MAP4K5: variants seen among roughly 807,000 people sequenced by gnomAD.
MAP4K5 encodes MAPK/ERK kinase kinase kinase 5.
MAP4K5 carries 82 observed loss-of-function variants against 135.6 expected under a neutral mutation model. The observed-to-expected ratio is 0.60, with a 90% CI of 0.51 to 0.73. The LOEUF is 0.73. Ranked by LOEUF, MAP4K5 falls within the 30% of genes least tolerant of loss-of-function variation. The pLI is 0.00. For synonymous variants in MAP4K5, 347 were observed against 335.0 expected (o/e 1.04, Z -0.39); for missense variants, 907 against 1,010.9 (o/e 0.90, Z 1.39).
chr14:50,427,675 A>AT (rs2035875855), intron 30 of MAP4K5, among the ~76,000 whole-genome samples: 1 of 152,078 alleles, frequency 6.6e-6, no homozygotes, highest in Admixed American at 6.6e-5. Context: ...TCCATTCATC[A>AT]TTTTTTTCAC....
chr14:50,490,066 T>C (rs2037447929), intron 3 of MAP4K5, among the ~76,000 whole-genome samples: 1 of 151,226 alleles, frequency 6.6e-6, no homozygotes, highest in African/African-American at 2.4e-5. Context: ...TCCTCAAGTA[T>C]GCATGGGTGT....
Position 50,539,673 on chromosome 14 carries a change from T to G in MAP4K5, c.-94+2826A>C, listed in dbSNP as rs533035489. ...TGAGTTAGAAGAAAGAGTTTCAGTA[T>G]AGCCCTAATGGGGAAGTACACAGAA... is the stretch of plus-strand genomic sequence containing the variant. On this transcript the variant is annotated intron_variant, in intron 2 of 8. Transcript: ENST00000555216. Among the ~76,000 whole-genome samples the G allele has an allele frequency of 2.0e-5, 3 of 152,210 alleles. No individual in the cohort carries two copies. In the South Asian group the frequency reaches 6.2e-4, roughly 32 times the overall value.
In MAP4K5 at chr14:50,497,817, G is replaced by T. The variant is rs775686447; in HGVS notation, c.166+6983C>A. ...ACTAAACTATTTTATAAGTATTTCC[G>T]ATTTACCGTTTTAAAAGACAAGCAA... is the stretch of plus-strand genomic sequence containing the variant. On this transcript the variant is annotated intron_variant, in intron 3 of 32. Coordinates refer to ENST00000682126, the MANE Select transcript of MAP4K5 (RefSeq NM_006575.6). Among the ~76,000 whole-genome samples, 3 of 151,828 alleles carry T rather than the reference G, an allele frequency of 2.0e-5. No individual in the cohort carries two copies. The East Asian group carries it at 5.8e-4, about 29-fold the overall frequency.
At chr14:50,437,447 A>G in intron 26 of MAP4K5, 29 bp downstream of exon 26, 1 of 1,518,834 alleles carries the variant, frequency 6.6e-7, no homozygotes, top group Non-Finnish European at 9.0e-7. Context: ...AGTTCTAACC[A>G]TTCAGTTTGA....
chr14:50,461,896 C>T (rs12890895), intron 13 of MAP4K5, among the ~76,000 whole-genome samples: 30,258 of 150,214 alleles, frequency 0.2, 3,721 homozygotes, highest in Middle Eastern at 0.29. Context: ...TCCAACCTGG[C>T]GACAGAGCGA....
At chr14:50,532,389 C>T (rs1020369225) in intron 1 of MAP4K5, 59 bp downstream of exon 1, 4 of 260,842 alleles carry the variant, frequency 1.5e-5, no homozygotes, top group Non-Finnish European at 2.9e-5. Flanking sequence ...GGCCCAGGGC[C>T]GGCTCCGTAC....
chr14:50,482,607 T>A (rs1227773934), intron 5 of MAP4K5, 191 bp from the exon 6 acceptor site: 1 of 414,852 alleles, frequency 2.4e-6, no homozygotes, highest in Non-Finnish European at 4.4e-6. Context: ...TGAAACCCCG[T>A]CTCTACTAAA....
chr14:50,507,569 A>G (rs1193585354), intron 2 of MAP4K5, among the ~76,000 whole-genome samples: 1 of 152,172 alleles, frequency 6.6e-6, no homozygotes, highest in Non-Finnish European at 1.5e-5. Context: ...ATTGGTTTCA[A>G]AGAACATCTT....
In MAP4K5 at chr14:50,456,057, A is replaced by G. The variant is rs117730487; in HGVS notation, c.1015+459T>C. Among the ~76,000 whole-genome samples, 724 of 152,290 alleles carry G rather than the reference A, an allele frequency of 4.8e-3. 1 individual carries two copies. Among genetic ancestry groups the G allele is most frequent in the Non-Finnish European group, 7.5e-3 (513 of 67,992 alleles). ...TGAGAGTAAACTGGCTAACTACAAT[A>G]TATCAATTAATGAAACAGAATGCAA... On this transcript the variant is annotated intron_variant, in intron 14 of 32. Transcript: ENST00000682126.
chr14:50,423,097 A>C (rs893601561), intron 32 of MAP4K5, 24 bp downstream of exon 32: 6 of 1,286,730 alleles, frequency 4.7e-6, no homozygotes, highest in Non-Finnish European at 6.6e-6. Context: ...TTTGGTAATT[A>C]AATTAATACA....
chr14:50,551,107 A>G (rs1647424672), intron 1 of MAP4K5, among the ~76,000 whole-genome samples: 1 of 152,192 alleles, frequency 6.6e-6, no homozygotes, highest in African/African-American at 2.4e-5. Context: ...TTGAAAAGAT[A>G]AACAAAATTG....
At chr14:50,472,758 G>A (rs1381697656) in intron 9 of MAP4K5, among the ~76,000 whole-genome samples, 1 of 152,124 alleles carries the variant, frequency 6.6e-6, no homozygotes, top group East Asian at 1.9e-4. Context: ...AATGTATTCT[G>A]TATCTAAATC....
intron 6 of MAP4K5, among the ~76,000 whole-genome samples, chr14:50,478,614 C>T (rs1437625196): frequency 2.0e-5 from 3 of 152,028 alleles, no homozygotes; most frequent in Non-Finnish European, 4.4e-5. Flanking sequence ...TTTTTTAGTA[C>T]TTGCAGAATA....
At chr14:50,553,637 A>G (rs2038730535) in intron 1 of MAP4K5, among the ~76,000 whole-genome samples, 1 of 152,218 alleles carries the variant, frequency 6.6e-6, no homozygotes, top group South Asian at 2.1e-4. Flanking sequence ...TTATGTGAAA[A>G]AGATGAATGC....
rs2035674789 is a variant in MAP4K5, at chr14:50,419,423, T to A, written c.*596A>T. 1 of 152,638 alleles carries A rather than the reference T, an allele frequency of 6.6e-6. No homozygotes were observed. Among genetic ancestry groups the A allele is most frequent in the South Asian group, 2.1e-4 (1 of 4,830 alleles). 9.5% of individuals were successfully genotyped at this position (152,638 alleles called of 1,614,324 possible). On this transcript the variant is annotated 3_prime_UTR_variant, in exon 33 of 33. Coordinates refer to ENST00000682126, the MANE Select transcript of MAP4K5 (RefSeq NM_006575.6). ...GTGTTGAACCCCCAAACACTCAAAG[T>A]ACTTTACTACTCTTAAAAGATAAAC...
In MAP4K5 at chr14:50,440,380, A is replaced by G. The variant is rs2036199035; in HGVS notation, c.1626T>C (p.His542=). The change falls in exon 22 of 33, where the codon CAT becomes CAC. Residue 542 remains histidine, a synonymous_variant. Coordinates refer to ENST00000682126, the MANE Select transcript of MAP4K5 (RefSeq NM_006575.6). ...GIYTLNLNEL[H]EATMEQLFPR... ...TAATTACCTGTTCCATCGTTGCCTC[A>G]TGTAGCTCATTGAGATTCAGTGTGT... The G allele has an allele frequency of 1.2e-6, 2 of 1,601,648 alleles. No individual in the cohort carries two copies. The highest frequency in any genetic ancestry group is 1.7e-5 in the Admixed American group (1 of 59,268).
At chr14:50,470,235 T>C (rs1054739315) in intron 9 of MAP4K5, among the ~76,000 whole-genome samples, 2 of 152,154 alleles carry the variant, frequency 1.3e-5, no homozygotes, top group African/African-American at 2.4e-5. Flanking sequence ...ATTCAATCAG[T>C]TGGCCATAGG....
chr14:50,524,085 G>C (rs548287795), intron 2 of MAP4K5, among the ~76,000 whole-genome samples: 1 of 152,168 alleles, frequency 6.6e-6, no homozygotes, highest in African/African-American at 2.4e-5. Flanking sequence ...CAAATTCTTT[G>C]TCTTGATTTC....
intron 2 of MAP4K5, among the ~76,000 whole-genome samples, chr14:50,517,033 T>G (rs189408665): frequency 7.2e-5 from 11 of 152,292 alleles, no homozygotes; most frequent in Admixed American, 5.2e-4. Flanking sequence ...CTAGTTATTA[T>G]TTACTTTGAT....
Sources: gnomAD v4.1 joint callset for allele counts (sites outside exome capture counted in the v4.1 genomes callset) on GRCh38, gnomAD v4.1.1 for gene constraint, MANE v1.5 for transcripts, NCBI Gene and HGNC (gene_info 2026-07-23, HGNC 2026-07-21) for gene names.